SPIRE1: variants seen among roughly 807,000 people sequenced by gnomAD.
SPIRE1 encodes spire type actin nucleation factor 1.
SPIRE1 carries 40 observed loss-of-function variants against 94.1 expected under a neutral mutation model. The ratio of observed to expected loss-of-function variants is 0.43; its 90% CI spans 0.33 to 0.55. The LOEUF (loss-of-function observed/expected upper bound fraction) is 0.55. SPIRE1 is among the 20% of genes least tolerant of loss of function. The probability of loss-of-function intolerance (pLI) is 0.06; values close to 1 mark genes in which losing one functional copy is unlikely to be tolerated. For synonymous variants in SPIRE1, 376 were observed against 371.7 expected (o/e 1.01, Z -0.13); for missense variants, 838 against 975.2 (o/e 0.86, Z 1.87).
chr18:12,628,792 A>G (rs1401601157), intron 2 of SPIRE1, among the ~76,000 whole-genome samples: 1 of 151,960 alleles, frequency 6.6e-6, no homozygotes, highest in East Asian at 1.9e-4. Flanking sequence ...ATTCCTAGGT[A>G]TTTTATTCTC....
At chr18:12,543,053 C>T (rs2035054299) in intron 3 of SPIRE1, among the ~76,000 whole-genome samples, 1 of 152,160 alleles carries the variant, frequency 6.6e-6, no homozygotes, top group African/African-American at 2.4e-5. Flanking sequence ...GTCGTGAACT[C>T]CTGACCTCAA....
intron 2 of SPIRE1, among the ~76,000 whole-genome samples, chr18:12,634,389 G>T (rs1752070924): frequency 6.6e-6 from 1 of 151,278 alleles, no homozygotes; most frequent in Non-Finnish European, 1.5e-5. Flanking sequence ...AGCTCCAATG[G>T]AGTCTAACAC....
intron 2 of SPIRE1, among the ~76,000 whole-genome samples, chr18:12,577,086 A>G (rs932498379): frequency 1.3e-5 from 2 of 152,138 alleles, no homozygotes; most frequent in African/African-American, 2.4e-5. Flanking sequence ...ACAACTGGGT[A>G]TCTATCTGAA....
intron 2 of SPIRE1, among the ~76,000 whole-genome samples, chr18:12,558,242 G>C (rs899163987): frequency 6.6e-6 from 1 of 152,192 alleles, no homozygotes; most frequent in Admixed American, 6.5e-5. Flanking sequence ...ACTGGCTTCA[G>C]GAGTGAAGCT....
chr18:12,619,646 G>A (rs1167810338), intron 2 of SPIRE1, among the ~76,000 whole-genome samples: 1 of 151,850 alleles, frequency 6.6e-6, no homozygotes, highest in Non-Finnish European at 1.5e-5. Context: ...AGGAGTTTAA[G>A]ACCAGCCTGG....
chr18:12,593,944 C>G (rs957536389), intron 2 of SPIRE1, among the ~76,000 whole-genome samples: 1 of 130,012 alleles, frequency 7.7e-6, no homozygotes, highest in African/African-American at 2.8e-5. Context: ...GAGAGAAACG[C>G]TGTCTCAAGA....
chr18:12,539,940 AAAG>A (rs1370159110), intron 3 of SPIRE1, among the ~76,000 whole-genome samples: 1 of 151,674 alleles, frequency 6.6e-6, no homozygotes, highest in East Asian at 1.9e-4. Context: ...AAAAAAAAAA[AAAG>A]AAAAGAAAGA....
intron 2 of SPIRE1, among the ~76,000 whole-genome samples, chr18:12,633,263 A>C (rs994059624): frequency 6.6e-6 from 1 of 152,308 alleles, no homozygotes; most frequent in South Asian, 2.1e-4. Context: ...GCCTTTTTAG[A>C]TCTAACTTGG....
At chr18:12,548,500 C>A (rs2035236835) in intron 2 of SPIRE1, among the ~76,000 whole-genome samples, 1 of 152,032 alleles carries the variant, frequency 6.6e-6, no homozygotes, top group Non-Finnish European at 1.5e-5. Flanking sequence ...TTCTTAACTT[C>A]TAAGTTTTTA....
intron 4 of SPIRE1, among the ~76,000 whole-genome samples, chr18:12,528,753 G>C (rs1025446509): frequency 1.4e-4 from 22 of 152,202 alleles, no homozygotes; most frequent in Admixed American, 8.5e-4. Context: ...GGCAAGGTAA[G>C]GTAGACACAG....
chr18:12,594,731 T>C (rs934768177), intron 2 of SPIRE1, among the ~76,000 whole-genome samples: 2 of 152,186 alleles, frequency 1.3e-5, no homozygotes, highest in Non-Finnish European at 2.9e-5. Flanking sequence ...AGTGCATGGG[T>C]CCACTTATAC....
intron 2 of SPIRE1, among the ~76,000 whole-genome samples, chr18:12,631,038 T>C (rs533257216): frequency 3.9e-5 from 6 of 152,276 alleles, no homozygotes; most frequent in African/African-American, 2.4e-5. Context: ...TAAACCCATA[T>C]GGCAAGGATG....
At chr18:12,584,539 C>G (rs909588800) in intron 2 of SPIRE1, among the ~76,000 whole-genome samples, 1 of 152,082 alleles carries the variant, frequency 6.6e-6, no homozygotes, top group Non-Finnish European at 1.5e-5. Flanking sequence ...AATATAGTCT[C>G]AAAATTTAGA....
chr18:12,615,345 A>AAAAAAAAAAAAT lies in SPIRE1; in HGVS notation c.372+19716_372+19717insATTTTTTTTTTT. On this transcript the variant is annotated intron_variant, in intron 2 of 16. Transcript: ENST00000409402. ...TCTGTCTCAAAAAAAAAAAAAAAAA[A>AAAAAAAAAAAAT]ATATATATATATATATATATATATA... Among the ~76,000 whole-genome samples the AAAAAAAAAAAAT allele has an allele frequency of 1.4e-3, 24 of 17,238 alleles. 1 individual carries two copies. Among genetic ancestry groups the AAAAAAAAAAAAT allele is most frequent in the Non-Finnish European group, 2.2e-3 (12 of 5,406 alleles). The allele number at this position is 17,238 out of a possible 152,430, so 11.3% of individuals were successfully genotyped here.
chr18:12,531,976 T>C (rs909277615), intron 4 of SPIRE1, among the ~76,000 whole-genome samples: 4 of 152,164 alleles, frequency 2.6e-5, no homozygotes. Context: ...CCTGATGCAC[T>C]CGATGGATTG....
intron 7 of SPIRE1, 32 bp downstream of exon 7, chr18:12,495,984 T>G (rs2033443619): frequency 6.7e-7 from 1 of 1,486,346 alleles, no homozygotes; most frequent in Admixed American, 1.7e-5. Context: ...TTATGATATC[T>G]CCAATCTAGA....
chr18:12,502,256 A>G (rs2033689645), intron 6 of SPIRE1, among the ~76,000 whole-genome samples: 1 of 152,210 alleles, frequency 6.6e-6, no homozygotes. Flanking sequence ...AAACTCTGCT[A>G]AAAACTAAGA....
At chr18:12,659,557 C>CT (rs2038652202), upstream of SPIRE1, among the ~76,000 whole-genome samples, 1 of 152,064 alleles carries the variant, frequency 6.6e-6, no homozygotes, top group South Asian at 2.1e-4. Context: ...GTAATCCCAG[C>CT]TACCCGGGAG....
chr18:12,451,748 C>T (rs898070106), intron 16 of SPIRE1, among the ~76,000 whole-genome samples: 2 of 152,202 alleles, frequency 1.3e-5, no homozygotes, highest in Admixed American at 6.5e-5. Flanking sequence ...ACTAAACTTA[C>T]CCTGCACTAA....
Sources: gnomAD v4.1 joint callset for allele counts (sites outside exome capture counted in the v4.1 genomes callset) on GRCh38, gnomAD v4.1.1 for gene constraint, MANE v1.5 for transcripts, NCBI Gene and HGNC (gene_info 2026-07-23, HGNC 2026-07-21) for gene names.